The following DIAPH2 variants were observed in gnomAD, a reference collection of about 807,000 sequenced individuals.
DIAPH2 encodes diaphanous related formin 2, also known as protein diaphanous homolog 2.
In DIAPH2, 35 loss-of-function variants were observed where a neutral mutation model predicts 92.7. The ratio of observed to expected loss-of-function variants is 0.38; its 90% CI spans 0.29 to 0.50. DIAPH2 has a LOEUF of 0.50. DIAPH2 is among the 20% of genes least tolerant of loss of function. The pLI, the probability that DIAPH2 is intolerant of heterozygous loss-of-function variation, is 0.94. For missense variants in DIAPH2, 701 were observed against 819.5 expected, an observed-to-expected ratio of 0.86 and a Z score of 1.77; for synonymous variants, 301 against 280.4, an observed-to-expected ratio of 1.07 and a Z score of -0.73.
In DIAPH2 at chrX:97,073,029, A is replaced by C. The variant is rs2147912000; in HGVS notation, c.2139A>C (p.Thr713=). 4 of 1,187,971 alleles carry C rather than the reference A, an allele frequency of 3.4e-6. No individual in the cohort carries two copies. The highest frequency in any genetic ancestry group is 1.8e-5 in the South Asian group (1 of 54,589). Residue 713 remains threonine (T), a synonymous_variant, in exon 18 of 27, where the codon ACA becomes ACC. Coordinates refer to ENST00000324765, the MANE Select transcript of DIAPH2 (RefSeq NM_006729.5). ...AACTGAGAATTTTGGATCCCAAAAC[A>C]GCTCAGAATCTGTGTATGTAATATT... The part of the protein sequence containing the change: ...VKELRILDPK[T]AQNLSIFLGS...
rs752411308 is a variant in DIAPH2 at position 96,934,502 on chromosome X, T to G, written c.1090-2731T>G. ...GTTGGGAAAAACTAGTTCTTAGTAT[T>G]TCAGTAATCCTTGAGATCAACACTG... is the stretch of plus-strand genomic sequence containing the variant. On this transcript the variant is annotated intron_variant, in intron 10 of 26. Coordinates refer to ENST00000324765, the MANE Select transcript of DIAPH2 (RefSeq NM_006729.5). 1.9e-4 allele frequency among the ~76,000 whole-genome samples: 21 copies of G among 111,466 alleles called. No homozygotes were observed. The South Asian group carries it at 7.9e-3, about 42-fold the overall frequency.
chrX:97,349,100 T>G (rs2147691019), intron 24 of DIAPH2, among the ~76,000 whole-genome samples: 1 of 105,534 alleles, frequency 9.5e-6, no homozygotes, highest in Admixed American at 1.0e-4. Context: ...TTTTTTTAAT[T>G]TTTTTTGATA....
At chrX:97,478,826 C>G (rs1055371545) in intron 26 of DIAPH2, among the ~76,000 whole-genome samples, 1 of 111,488 alleles carries the variant, frequency 9.0e-6, no homozygotes, top group Non-Finnish European at 1.9e-5. Flanking sequence ...CCATTTTTTT[C>G]AGTTTCTTTG....
intron 20 of DIAPH2, among the ~76,000 whole-genome samples, chrX:97,104,260 C>T (rs952830080): frequency 8.9e-6 from 1 of 112,020 alleles, no homozygotes; most frequent in African/African-American, 3.2e-5. Flanking sequence ...CAAGTGGACT[C>T]TTTCAGTCCC....
intron 26 of DIAPH2, among the ~76,000 whole-genome samples, chrX:97,440,530 T>C (rs1273567856): frequency 2.0e-5 from 2 of 101,708 alleles, no homozygotes; most frequent in African/African-American, 7.3e-5. Context: ...AGGTGGAGGT[T>C]GCAGTGAGCC....
At chrX:96,769,562 A>G (rs1443290527) in intron 4 of DIAPH2, among the ~76,000 whole-genome samples, 1 of 112,045 alleles carries the variant, frequency 8.9e-6, no homozygotes, top group Non-Finnish European at 1.9e-5. Flanking sequence ...AAGGCCAAGT[A>G]TACTTGTAGA....
intron 26 of DIAPH2, among the ~76,000 whole-genome samples, chrX:97,558,872 G>A (rs1241548239): frequency 1.8e-5 from 2 of 111,671 alleles, no homozygotes; most frequent in Admixed American, 9.5e-5. Flanking sequence ...AATTATATCT[G>A]TACACAGTTA....
chrX:96,904,777 A>G (rs1405537737), intron 5 of DIAPH2, among the ~76,000 whole-genome samples: 1 of 111,270 alleles, frequency 9.0e-6, no homozygotes, highest in East Asian at 2.8e-4. Flanking sequence ...AAAACATTAC[A>G]GTAGCAATAT....
At chrX:96,954,054 A>C (rs941751284) in intron 15 of DIAPH2, 1 of 111,715 alleles carries the variant, frequency 9.0e-6, no homozygotes, top group Admixed American at 9.5e-5. Flanking sequence ...TTTTCCTATG[A>C]TCTCCACTGT....
intron 4 of DIAPH2, among the ~76,000 whole-genome samples, chrX:96,856,434 C>T (rs1229739324): frequency 9.9e-6 from 1 of 101,188 alleles, no homozygotes; most frequent in South Asian, 4.8e-4. Context: ...AAATAGAATT[C>T]AAGGTTTTTT....
chrX:97,194,404 C>T (rs2067681978), intron 22 of DIAPH2, among the ~76,000 whole-genome samples: 1 of 109,032 alleles, frequency 9.2e-6, no homozygotes, highest in Admixed American at 9.9e-5. Flanking sequence ...GCCTCAGCCT[C>T]CCGAGTAGCT....
At position 97,203,669 on chromosome X, in the gene DIAPH2, G is replaced by A. The variant is rs761719236; in HGVS notation, c.2720-44046G>A. 3.6e-5 allele frequency among the ~76,000 whole-genome samples: 4 copies of A among 111,744 alleles called. No individual in the cohort carries two copies. In the East Asian group the frequency reaches 1.1e-3, roughly 31 times the overall value. On this transcript the variant is annotated intron_variant, in intron 22 of 26. Coordinates refer to ENST00000324765, the MANE Select transcript of DIAPH2 (RefSeq NM_006729.5). ...GACCAATACCAAGTTCTGAAATTGA[G>A]GCAGTAATTAATAGCATACCAACCA...
At chrX:97,235,956 A>G (rs1027191432) in intron 22 of DIAPH2, among the ~76,000 whole-genome samples, 16 of 111,988 alleles carry the variant, frequency 1.4e-4, no homozygotes, top group Admixed American at 7.7e-4. Flanking sequence ...GGCATATAGT[A>G]ATCCTATTAA....
chrX:97,417,913 A>G (rs2069966183), intron 25 of DIAPH2, among the ~76,000 whole-genome samples: 1 of 110,179 alleles, frequency 9.1e-6, no homozygotes, highest in Admixed American at 9.7e-5. Context: ...CAACCACAAT[A>G]ATAAAGTAAA....
chrX:97,415,856 GA>G (rs944004850), intron 25 of DIAPH2, among the ~76,000 whole-genome samples: 2 of 108,911 alleles, frequency 1.8e-5, no homozygotes, highest in East Asian at 5.7e-4. Context: ...GTATAATTAA[GA>G]AAAAAAAATA....
At chrX:97,210,938 G>A (rs1309955542) in intron 22 of DIAPH2, among the ~76,000 whole-genome samples, 1 of 111,919 alleles carries the variant, frequency 8.9e-6, no homozygotes, top group Admixed American at 9.5e-5. Flanking sequence ...TTAAAATTTT[G>A]TTCTGTCCCT....
intron 23 of DIAPH2, among the ~76,000 whole-genome samples, chrX:97,249,461 A>AATGT (rs1466180773): frequency 8.9e-6 from 1 of 112,018 alleles, no homozygotes; most frequent in Non-Finnish European, 1.9e-5. Flanking sequence ...ACTGTATTAA[A>AATGT]ATGTATGGGG....
chrX:97,066,532 G>A (rs1269108307), intron 17 of DIAPH2, among the ~76,000 whole-genome samples: 1 of 111,785 alleles, frequency 8.9e-6, no homozygotes, highest in African/African-American at 3.2e-5. Context: ...AGATGTAAGT[G>A]TACTACTTTG....
At chrX:97,217,571 G>GT (rs940674444) in intron 22 of DIAPH2, among the ~76,000 whole-genome samples, 8 of 111,967 alleles carry the variant, frequency 7.1e-5, no homozygotes, top group Middle Eastern at 4.6e-3. Flanking sequence ...GGGAAGGAGA[G>GT]TTTTTTTCCC....
Sources: allele counts gnomAD v4.1 joint callset (sites outside exome capture counted in the v4.1 genomes callset), GRCh38; gene constraint gnomAD v4.1.1; transcripts MANE v1.5; gene names NCBI Gene and HGNC (gene_info 2026-07-23, HGNC 2026-07-21).